PTPRT: variants seen among roughly 807,000 people sequenced by gnomAD.
PTPRT encodes the protein receptor-type tyrosine-protein phosphatase T.
Under a neutral mutation model 176.8 loss-of-function variants are expected in PTPRT, and 56 were observed. That is an observed-to-expected ratio of 0.32 (90% CI 0.26 to 0.40). The LOEUF is 0.40. Among genes scored for constraint, PTPRT ranks in the 10% least tolerant of loss-of-function variants. PTPRT has a pLI of 1.00. For synonymous variants in PTPRT, 783 were observed against 739.0 expected (o/e 1.06, Z -0.96); for missense variants, 1,540 against 1,908.2 (o/e 0.81, Z 3.60).
intron 11 of PTPRT, among the ~76,000 whole-genome samples, chr20:42,328,340 A>G (rs1477439019): frequency 1.3e-5 from 2 of 152,172 alleles, no homozygotes; most frequent in Admixed American, 6.5e-5. Context: ...AGTTCTTTCA[A>G]TCTTCCAGGA....
At chr20:43,020,172 A>G (rs1985601520) in intron 1 of PTPRT, among the ~76,000 whole-genome samples, 1 of 147,922 alleles carries the variant, frequency 6.8e-6, no homozygotes, top group Non-Finnish European at 1.5e-5. Context: ...GTTTGTCTCT[A>G]TATAATTACA....
At chr20:42,961,430 G>A (rs748955690) in intron 1 of PTPRT, among the ~76,000 whole-genome samples, 1 of 152,204 alleles carries the variant, frequency 6.6e-6, no homozygotes. Flanking sequence ...GTTCAATAAG[G>A]AAAATAGGAA....
intron 2 of PTPRT, among the ~76,000 whole-genome samples, chr20:42,823,773 G>A (rs1189056089): frequency 1.3e-5 from 2 of 151,856 alleles, no homozygotes; most frequent in Non-Finnish European, 2.9e-5. Flanking sequence ...GGAAGAAAGA[G>A]AAGGAAGAAG....
At chr20:42,640,527 T>A (rs960336237) in intron 7 of PTPRT, among the ~76,000 whole-genome samples, 1 of 152,052 alleles carries the variant, frequency 6.6e-6, no homozygotes, top group Non-Finnish European at 1.5e-5. Context: ...TAGCTGGGAT[T>A]AGAGGTGTGC....
intron 1 of PTPRT, among the ~76,000 whole-genome samples, chr20:43,174,010 T>C (rs1243547400): frequency 1.3e-5 from 2 of 152,248 alleles, no homozygotes; most frequent in African/African-American, 4.8e-5. Context: ...TGTGTCTGCC[T>C]CATGGGATCA....
At chr20:42,374,320 G>A (rs528983355) in intron 9 of PTPRT, among the ~76,000 whole-genome samples, 6 of 152,310 alleles carry the variant, frequency 3.9e-5, no homozygotes, top group South Asian at 2.1e-4. Flanking sequence ...AGTGTCAAAC[G>A]TAAAATAAAT....
At chr20:43,135,712 G>A (rs536609050) in intron 1 of PTPRT, among the ~76,000 whole-genome samples, 1 of 152,316 alleles carries the variant, frequency 6.6e-6, no homozygotes, top group East Asian at 1.9e-4. Context: ...ACAACAATAA[G>A]AGACCACTGA....
chr20:42,310,748 AGAGACAG>A (rs1180981434), intron 12 of PTPRT, among the ~76,000 whole-genome samples: 1 of 152,242 alleles, frequency 6.6e-6, no homozygotes, highest in Non-Finnish European at 1.5e-5. Context: ...CTAATTCATA[AGAGACAG>A]GTGTTGTGAA....
Position 42,852,267 on chromosome 20 carries a change from A to G in PTPRT, c.214+33540T>C, listed in dbSNP as rs571238921. On this transcript the variant is annotated intron_variant, in intron 2 of 30. Transcript: ENST00000373187. ...TTTATATGAATACACGTTTCCATTC[A>G]GAAACATGATATTTTTCCAAGTATT... is the stretch of plus-strand genomic sequence containing the variant. Among the ~76,000 whole-genome samples, 14 of 152,308 alleles carry G rather than the reference A, an allele frequency of 9.2e-5. No homozygotes were observed. In the East Asian group the frequency reaches 2.5e-3, roughly 27 times the overall value.
At chr20:42,285,744 C>T (rs1354422992) in intron 12 of PTPRT, among the ~76,000 whole-genome samples, 2 of 151,692 alleles carry the variant, frequency 1.3e-5, no homozygotes, top group Admixed American at 6.6e-5. Flanking sequence ...AAAAGTCAAA[C>T]TGTCTCTGTC....
At chr20:42,520,039 G>T (rs1220178473) in intron 7 of PTPRT, among the ~76,000 whole-genome samples, 1 of 151,620 alleles carries the variant, frequency 6.6e-6, no homozygotes, top group East Asian at 1.9e-4. Context: ...GCTCTGTTTT[G>T]TCTGATATTA....
intron 15 of PTPRT, among the ~76,000 whole-genome samples, chr20:42,227,839 C>T (rs6030068): frequency 0.086 from 13,008 of 152,022 alleles, 1,823 homozygotes; most frequent in African/African-American, 0.29. Flanking sequence ...AAACTCCTGA[C>T]CTCAGGTAAT....
chr20:42,771,766 T>C (rs992356145), intron 4 of PTPRT, among the ~76,000 whole-genome samples: 6 of 152,252 alleles, frequency 3.9e-5, no homozygotes, highest in African/African-American at 1.4e-4. Context: ...CAGAAATCCA[T>C]GAAGTGGGCA....
intron 11 of PTPRT, among the ~76,000 whole-genome samples, chr20:42,324,578 T>G (rs1330019672): frequency 1.3e-5 from 2 of 152,220 alleles, no homozygotes; most frequent in Non-Finnish European, 2.9e-5. Context: ...CCTTTCACAC[T>G]TCAAAAGTCT....
intron 7 of PTPRT, among the ~76,000 whole-genome samples, chr20:42,518,166 G>A (rs542633992): frequency 6.6e-6 from 1 of 152,072 alleles, no homozygotes; most frequent in East Asian, 1.9e-4. Context: ...ACTTTTGTCG[G>A]TATATTAATG....
intron 1 of PTPRT, among the ~76,000 whole-genome samples, chr20:42,941,067 G>A (rs1162183910): frequency 6.6e-6 from 1 of 151,086 alleles, no homozygotes; most frequent in Non-Finnish European, 1.5e-5. Flanking sequence ...GGGCGACAGA[G>A]CAAGACTCCA....
chr20:42,566,494 A>G (rs921000894), intron 7 of PTPRT, among the ~76,000 whole-genome samples: 3 of 152,176 alleles, frequency 2.0e-5, no homozygotes, highest in Non-Finnish European at 2.9e-5. Flanking sequence ...TCAGAACCTC[A>G]AGACTAGTTT....
intron 7 of PTPRT, among the ~76,000 whole-genome samples, chr20:42,577,202 T>A (rs552004361): frequency 6.6e-6 from 1 of 152,260 alleles, no homozygotes; most frequent in African/African-American, 2.4e-5. Context: ...TAAAGAAACA[T>A]CAGGCTCTTT....
Position 42,200,051 on chromosome 20 carries a change from C to T in PTPRT, c.2343-663G>A, listed in dbSNP as rs569185440. ...TGTAAATTTGAATCACCTGAAGAGT[C>T]ACAAAAAAATACACACACACACACA... On this transcript the variant is annotated intron_variant, in intron 15 of 30. Coordinates refer to ENST00000373187, the MANE Select transcript of PTPRT (RefSeq NM_007050.6). Among the ~76,000 whole-genome samples, 18 of 119,294 alleles carry T rather than the reference C, an allele frequency of 1.5e-4. No individual in the cohort carries two copies. In the East Asian group the frequency reaches 3.5e-3, roughly 23 times the overall value. The allele number at this position is 119,294 out of a possible 152,430, so 78.3% of individuals were successfully genotyped here.
Sources: allele counts gnomAD v4.1 joint callset (sites outside exome capture counted in the v4.1 genomes callset), GRCh38; gene constraint gnomAD v4.1.1; transcripts MANE v1.5; gene names NCBI Gene and HGNC (gene_info 2026-07-23, HGNC 2026-07-21).